PRDM16: variants seen among roughly 807,000 people sequenced by gnomAD.
PRDM16 encodes the protein histone-lysine N-methyltransferase PRDM16.
A neutral mutation model predicts 110.6 loss-of-function variants in PRDM16; 23 were observed. The observed-to-expected ratio is 0.21, with a 90% CI of 0.15 to 0.29. The LOEUF (loss-of-function observed/expected upper bound fraction) is 0.29. Ranked by LOEUF, PRDM16 falls within the 10% of genes least tolerant of loss-of-function variation. The probability of loss-of-function intolerance (pLI) is 1.00; values close to 1 mark genes in which losing one functional copy is unlikely to be tolerated. For synonymous variants in PRDM16, 799 were observed against 781.8 expected (o/e 1.02, Z -0.37); for missense variants, 1,615 against 1,794.3 (o/e 0.90, Z 1.81).
chr1:3,167,404 C>G (rs1643969950), intron 1 of PRDM16, among the ~76,000 whole-genome samples: 1 of 152,120 alleles, frequency 6.6e-6, no homozygotes, highest in Non-Finnish European at 1.5e-5. Flanking sequence ...GACAAGAGGG[C>G]CTGGTGGCTG....
At chr1:3,391,443 G>T (rs191647729) in intron 4 of PRDM16, among the ~76,000 whole-genome samples, 86 of 152,244 alleles carry the variant, frequency 5.6e-4, no homozygotes, top group African/African-American at 1.8e-3. Flanking sequence ...TTCCTTTCCT[G>T]CTCGTTACAG....
At chr1:3,086,359 CGT>C (rs1470284562) in intron 1 of PRDM16, among the ~76,000 whole-genome samples, 1 of 152,192 alleles carries the variant, frequency 6.6e-6, no homozygotes, top group Non-Finnish European at 1.5e-5. Flanking sequence ...TCCCTGCCCC[CGT>C]CAAGTGATGC....
chr1:3,212,812 T>G (rs2100849930), intron 2 of PRDM16, among the ~76,000 whole-genome samples: 1 of 152,326 alleles, frequency 6.6e-6, no homozygotes, highest in South Asian at 2.1e-4. Flanking sequence ...GCTCCCTCCC[T>G]GACCCCAGCT....
At chr1:3,096,860 C>T (rs993949200) in intron 1 of PRDM16, among the ~76,000 whole-genome samples, 1 of 152,218 alleles carries the variant, frequency 6.6e-6, no homozygotes, top group African/African-American at 2.4e-5. Flanking sequence ...CTGCCCACCA[C>T]CAGGTGAGAC....
chr1:3,349,964 C>T (rs768667689), intron 3 of PRDM16, among the ~76,000 whole-genome samples: 2 of 100,902 alleles, frequency 2.0e-5, no homozygotes, highest in East Asian at 3.1e-4. Context: ...CTGTGCCTAG[C>T]GGGGTCCTGA....
Position 3,213,043 on chromosome 1 carries a change from C to T in PRDM16, c.387+26569C>T, listed in dbSNP as rs920279926. Among the ~76,000 whole-genome samples the T allele has an allele frequency of 2.1e-4, 32 of 152,340 alleles. No individual in the cohort carries two copies. The highest frequency in any genetic ancestry group is 7.2e-4 in the African/African-American group (30 of 41,584). ...AACAGGTCTCACCCAGAAAGGAAAG[C>T]GGGGTCGGCTCGCCCGCCTGCCGCA... On this transcript the variant is annotated intron_variant, in intron 2 of 16. Coordinates refer to ENST00000270722, the MANE Select transcript of PRDM16 (RefSeq NM_022114.4). This position sits in a 1 kb window ranked among gnomAD's most constrained non-coding sequence, Gnocchi z 5.3.
At chr1:3,145,389 G>A (rs943877749) in intron 1 of PRDM16, among the ~76,000 whole-genome samples, 1 of 152,198 alleles carries the variant, frequency 6.6e-6, no homozygotes, top group East Asian at 1.9e-4. Context: ...TGACACTCCA[G>A]GGCCAGGTGG....
At chr1:3,071,397 CGA>C (rs1557775316) in intron 1 of PRDM16, among the ~76,000 whole-genome samples, 5 of 152,174 alleles carry the variant, frequency 3.3e-5, no homozygotes, top group African/African-American at 7.2e-5. Context: ...TTCCTTTTCC[CGA>C]GAGTCTTTAG....
At chr1:3,221,915 T>C (rs1639159523) in intron 2 of PRDM16, among the ~76,000 whole-genome samples, 1 of 152,200 alleles carries the variant, frequency 6.6e-6, no homozygotes, top group Non-Finnish European at 1.5e-5. Flanking sequence ...CCTCAGAGTT[T>C]GCTGGGTATG....
At chr1:3,184,103 A>T (rs1403250004) in intron 1 of PRDM16, among the ~76,000 whole-genome samples, 2 of 152,088 alleles carry the variant, frequency 1.3e-5, no homozygotes, top group Non-Finnish European at 2.9e-5. Flanking sequence ...GAGGAACAGC[A>T]GCGGCAGTTC....
At chr1:3,095,892 G>A (rs1419311574) in intron 1 of PRDM16, among the ~76,000 whole-genome samples, 1 of 152,104 alleles carries the variant, frequency 6.6e-6, no homozygotes, top group Non-Finnish European at 1.5e-5. Flanking sequence ...GGTGGCCTTT[G>A]CCTGCAGCAT....
chr1:3,114,246 A>G (rs1642878757), intron 1 of PRDM16, among the ~76,000 whole-genome samples: 1 of 136,112 alleles, frequency 7.3e-6, no homozygotes, highest in African/African-American at 2.8e-5. Context: ...CAGTGTAAAC[A>G]TGCACACGCA....
intron 3 of PRDM16, among the ~76,000 whole-genome samples, chr1:3,343,795 C>G (rs1176514762): frequency 6.6e-6 from 1 of 152,054 alleles, no homozygotes; most frequent in Non-Finnish European, 1.5e-5. Flanking sequence ...CATCCACCAC[C>G]ATGCCGGGCT....
At chr1:3,407,061 C>T (rs985054730) in intron 8 of PRDM16, among the ~76,000 whole-genome samples, 3 of 152,266 alleles carry the variant, frequency 2.0e-5, no homozygotes, top group African/African-American at 4.8e-5. Flanking sequence ...TCCTGGCCCC[C>T]GGCTGGGTGA....
intron 3 of PRDM16, among the ~76,000 whole-genome samples, chr1:3,345,035 T>C (rs1642335439): frequency 6.6e-6 from 1 of 152,186 alleles, no homozygotes; most frequent in Non-Finnish European, 1.5e-5. Flanking sequence ...TTCCATGGTT[T>C]CTCCCCTCAA....
intron 1 of PRDM16, among the ~76,000 whole-genome samples, chr1:3,099,855 C>T (rs978969303): frequency 2.6e-5 from 4 of 152,052 alleles, no homozygotes; most frequent in Non-Finnish European, 4.4e-5. Flanking sequence ...GGTGAGATGG[C>T]GCCCCCTCCT....
rs1344527608 is a variant in PRDM16 at position 3,290,233 on chromosome 1, G to C, written c.438+46096G>C. ...GAGGTGGGCAGGTTTCCAGGCATTT[G>C]GAAGTAGACATGGGAAGGAAGGAGC... On this transcript the variant is annotated intron_variant, in intron 3 of 16. Transcript: ENST00000270722. The surrounding 1 kb of genome is among the most constrained non-coding windows in gnomAD (Gnocchi z 4.8). Among the ~76,000 whole-genome samples the C allele has an allele frequency of 6.6e-6, 1 of 152,214 alleles. No homozygotes were observed. The highest frequency in any genetic ancestry group is 1.9e-4 in the East Asian group (1 of 5,198).
At chr1:3,375,325 C>T (rs1642973309) in intron 3 of PRDM16, among the ~76,000 whole-genome samples, 1 of 152,236 alleles carries the variant, frequency 6.6e-6, no homozygotes, top group Admixed American at 6.5e-5. Flanking sequence ...CTGCTCTTTC[C>T]ACGCACTGCC....
intron 3 of PRDM16, among the ~76,000 whole-genome samples, chr1:3,266,300 G>A (rs1355909602): frequency 6.6e-6 from 1 of 152,144 alleles, no homozygotes; most frequent in African/African-American, 2.4e-5. Context: ...GGCACAGCCG[G>A]ACGCCAGGAG....
Sources: allele counts gnomAD v4.1 joint callset (sites outside exome capture counted in the v4.1 genomes callset), GRCh38; gene constraint gnomAD v4.1.1; non-coding constraint Gnocchi (gnomAD v3.1); transcripts MANE v1.5; gene names NCBI Gene and HGNC (gene_info 2026-07-23, HGNC 2026-07-21).